Variants in AGAP1 observed in about 807,000 individuals in gnomAD.
AGAP1 encodes arf-GAP with GTPase, ANK repeat and PH domain-containing protein 1.
Under a neutral mutation model 105.3 loss-of-function variants are expected in AGAP1, and 29 were observed. The ratio of observed to expected loss-of-function variants is 0.28; its 90% confidence interval spans 0.21 to 0.38. The LOEUF is 0.38. AGAP1 is among the 10% of genes least tolerant of loss of function. The pLI, the probability that AGAP1 is intolerant of heterozygous loss-of-function variation, is 1.00. For missense variants in AGAP1, 998 were observed against 1,165.1 expected (o/e 0.86, Z 2.09); for synonymous variants, 509 against 485.9 (o/e 1.05, Z -0.63).
chr2:235,901,881 A>C lies in AGAP1; in HGVS notation c.1156-6857A>C, dbSNP rs1322178544. Among the ~76,000 whole-genome samples the C allele has an allele frequency of 1.4e-4, 1 of 6,956 alleles. No individual in the cohort carries two copies. Among genetic ancestry groups the C allele is most frequent in the Non-Finnish European group, 2.9e-4 (1 of 3,474 alleles). The allele number at this position is 6,956 out of a possible 152,430, so 4.6% of individuals were successfully genotyped here. A position where few individuals can be genotyped will look rare whatever the true frequency, so the allele number is the denominator to read the frequency against. ...GCGACAGAGTGAGACTCCGTCTCGGAAAAAAAAAAAAAAATTATGGAGGGA... is the reference window on the plus strand; with the variant it reads ...GCGACAGAGTGAGACTCCGTCTCGGCAAAAAAAAAAAAAATTATGGAGGGA... On this transcript the variant is annotated intron_variant, in intron 10 of 17. Coordinates refer to ENST00000304032, the MANE Select transcript of AGAP1 (RefSeq NM_001037131.3). This position sits in a 1 kb window ranked among gnomAD's most constrained non-coding sequence, Gnocchi z 4.3.
intron 16 of AGAP1, among the ~76,000 whole-genome samples, chr2:236,070,878 A>G (rs1487437379): frequency 1.3e-5 from 2 of 152,208 alleles, no homozygotes; most frequent in Admixed American, 1.3e-4. Context: ...TGGTGGTTCC[A>G]TGACTCTGAA....
At chr2:236,081,587 C>G (rs1263341022) in intron 16 of AGAP1, among the ~76,000 whole-genome samples, 1 of 151,986 alleles carries the variant, frequency 6.6e-6, no homozygotes, top group East Asian at 1.9e-4. Context: ...AGACACATGA[C>G]TCCTTCCTTA....
chr2:235,513,129 G>T (rs1942221275), intron 1 of AGAP1, among the ~76,000 whole-genome samples: 1 of 152,074 alleles, frequency 6.6e-6, no homozygotes, highest in African/African-American at 2.4e-5. Flanking sequence ...GCTTTTTCTT[G>T]CTGCTAAATG....
rs1314886525 is a variant in AGAP1 at position 236,119,200 on chromosome 2, A to T, written c.2115-992A>T. On this transcript the variant is annotated intron_variant, in intron 16 of 17. Coordinates refer to ENST00000304032, the MANE Select transcript of AGAP1 (RefSeq NM_001037131.3). This position sits in a 1 kb window ranked among gnomAD's most constrained non-coding sequence, Gnocchi z 6.6. ...CAGGCATCAGCATCATCCACTCTCC[A>T]CACCTCCGACCCCATCCACCCCCTC... Among the ~76,000 whole-genome samples the T allele has an allele frequency of 1.3e-5, 2 of 151,616 alleles. No homozygotes were observed. Among genetic ancestry groups the T allele is most frequent in the Non-Finnish European group, 2.9e-5 (2 of 67,910 alleles).
intron 1 of AGAP1, among the ~76,000 whole-genome samples, chr2:235,704,066 C>A (rs755696841): frequency 4.2e-4 from 64 of 152,188 alleles, no homozygotes; most frequent in Non-Finnish European, 7.8e-4. Flanking sequence ...GCTCCCTGAC[C>A]CCTCACACCC....
intron 1 of AGAP1, among the ~76,000 whole-genome samples, chr2:235,503,453 G>C: frequency 6.6e-6 from 1 of 152,152 alleles, no homozygotes; most frequent in South Asian, 2.1e-4. Flanking sequence ...GGTGTGATTG[G>C]CGGGGAACAG....
Position 235,992,140 on chromosome 2 carries a change from G to A in AGAP1, c.1645+23517G>A, listed in dbSNP as rs1475477331. 1.3e-5 allele frequency among the ~76,000 whole-genome samples: 2 copies of A among 152,176 alleles called. No homozygotes were observed. The highest frequency in any genetic ancestry group is 4.8e-5 in the African/African-American group (2 of 41,442). Reference sequence around the variant, plus strand: ...CCAGATAACAGGAGTGGTTAGAAGCGCAGCGGAGGAGCCTGTCTTCCTGGG... The same window carrying A: ...CCAGATAACAGGAGTGGTTAGAAGCACAGCGGAGGAGCCTGTCTTCCTGGG... On this transcript the variant is annotated intron_variant, in intron 13 of 17. Coordinates refer to ENST00000304032, the MANE Select transcript of AGAP1 (RefSeq NM_001037131.3). The surrounding 1 kb of genome is among the most constrained non-coding windows in gnomAD (Gnocchi z 4.8).
chr2:235,921,218 A>G (rs543891280), intron 11 of AGAP1, among the ~76,000 whole-genome samples: 1 of 152,362 alleles, frequency 6.6e-6, no homozygotes, highest in South Asian at 2.1e-4. Context: ...AAATGGTGAT[A>G]TAAATTATCT....
intron 16 of AGAP1, among the ~76,000 whole-genome samples, chr2:236,093,071 C>T (rs1370074614): frequency 2.0e-5 from 3 of 152,208 alleles, no homozygotes; most frequent in Non-Finnish European, 4.4e-5. Context: ...GGGGGAGAAG[C>T]TCTTCTTTAT....
rs2050070681 is a variant in AGAP1, at chr2:235,882,399, T to A, written c.1051-946T>A. 1.3e-6 allele frequency: 2 copies of A among 1,576,976 alleles called. No individual in the cohort carries two copies. The highest frequency in any genetic ancestry group is 1.7e-6 in the Non-Finnish European group (2 of 1,151,888). ...ACTCCGCTTCTGCCCAGTGGTCTCTTTGGTCGGCAGGGTGTTCTTCTCCTG... is the reference window on the plus strand; with the variant it reads ...ACTCCGCTTCTGCCCAGTGGTCTCTATGGTCGGCAGGGTGTTCTTCTCCTG... On this transcript the variant is annotated intron_variant, in intron 9 of 17. Transcript: ENST00000304032. This position sits in a 1 kb window ranked among gnomAD's most constrained non-coding sequence, Gnocchi z 4.6.
At chr2:235,592,274 C>A (rs569877565) in intron 1 of AGAP1, among the ~76,000 whole-genome samples, 1 of 152,066 alleles carries the variant, frequency 6.6e-6, no homozygotes, top group Non-Finnish European at 1.5e-5. Flanking sequence ...GGGCACCACG[C>A]GCCAGAAGGA....
At chr2:235,746,949 C>T (rs905358575) in intron 5 of AGAP1, among the ~76,000 whole-genome samples, 12 of 152,192 alleles carry the variant, frequency 7.9e-5, no homozygotes, top group African/African-American at 1.4e-4. Context: ...TCTGAGATCC[C>T]GGGAGTTGGG....
At chr2:235,735,561 G>A (rs1952199037) in intron 3 of AGAP1, among the ~76,000 whole-genome samples, 1 of 152,086 alleles carries the variant, frequency 6.6e-6, no homozygotes, top group Admixed American at 6.5e-5. Context: ...AGGCTATGAG[G>A]ACTTAGAAAA....
At chr2:235,823,855 A>C (rs1323520009) in intron 9 of AGAP1, among the ~76,000 whole-genome samples, 1 of 152,184 alleles carries the variant, frequency 6.6e-6, no homozygotes, top group South Asian at 2.1e-4. Context: ...TTGTGTGTTT[A>C]TGTATCTAGC....
chr2:235,620,590 C>T lies in AGAP1; in HGVS notation c.164-88589C>T, dbSNP rs1243085173. Among the ~76,000 whole-genome samples the T allele has an allele frequency of 6.6e-6, 1 of 152,200 alleles. No homozygotes were observed. Among genetic ancestry groups the T allele is most frequent in the Non-Finnish European group, 1.5e-5 (1 of 68,030 alleles). On this transcript the variant is annotated intron_variant, in intron 1 of 17. Transcript: ENST00000304032. The surrounding 1 kb of genome is among the most constrained non-coding windows in gnomAD (Gnocchi z 4.5). The stretch of plus-strand genomic sequence containing the variant: ...CAGTGTCATTGAGGACCCTCCGTGG[C>T]ACCTGGCCTTCCTCCCAGCCACAGC...
chr2:235,793,724 C>T lies in AGAP1; in HGVS notation c.674-4035C>T, dbSNP rs571849326. Among the ~76,000 whole-genome samples the T allele has an allele frequency of 2.0e-5, 3 of 152,218 alleles. No individual in the cohort carries two copies. The South Asian group carries it at 6.2e-4, about 32-fold the overall frequency. On this transcript the variant is annotated intron_variant, in intron 6 of 17. Transcript: ENST00000304032. This position sits in a 1 kb window ranked among gnomAD's most constrained non-coding sequence, Gnocchi z 5.3. ...GGGCGTGAGGTTGGCCCGGAGGCTC[C>T]TAGTGTGACCAAGGGCTATTCCTTG...
At chr2:235,773,013 A>AG (rs1955578745) in intron 6 of AGAP1, among the ~76,000 whole-genome samples, 1 of 152,168 alleles carries the variant, frequency 6.6e-6, no homozygotes, top group South Asian at 2.1e-4. Context: ...TTCCTGGTGG[A>AG]GGGGGTCCAG....
At chr2:235,810,569 T>G (rs190019539) in intron 9 of AGAP1, among the ~76,000 whole-genome samples, 87 of 152,324 alleles carry the variant, frequency 5.7e-4, no homozygotes, top group Non-Finnish European at 1.0e-3. Flanking sequence ...CGTGTCGCAG[T>G]GGCTTATGTT....
chr2:235,746,376 A>ATTTTTTTTTTTT (rs1559427651), intron 5 of AGAP1, among the ~76,000 whole-genome samples: 1 of 44,092 alleles, frequency 2.3e-5, no homozygotes, highest in Non-Finnish European at 4.3e-5. Context: ...ACCTCCCCCA[A>ATTTTTTTTTTTT]CTTTTTTTTT....
Sources: allele counts gnomAD v4.1 joint callset (sites outside exome capture counted in the v4.1 genomes callset), GRCh38; gene constraint gnomAD v4.1.1; non-coding constraint Gnocchi (gnomAD v3.1); transcripts MANE v1.5; gene names NCBI Gene and HGNC (gene_info 2026-07-23, HGNC 2026-07-21).